Variants in NEGR1 observed in about 807,000 individuals in gnomAD.
NEGR1 encodes IgLON family member 4.
Under a neutral mutation model 40.9 loss-of-function variants are expected in NEGR1, and 10 were observed. That is an observed-to-expected ratio of 0.24 (90% CI 0.15 to 0.42). NEGR1 has a LOEUF of 0.42. Ranked by LOEUF, NEGR1 falls within the 10% of genes least tolerant of loss-of-function variation. The pLI is 1.00. For missense variants in NEGR1, 352 were observed against 438.9 expected (o/e 0.80, Z 1.77); for synonymous variants, 185 against 166.8 (o/e 1.11, Z -0.84).
chr1:71,937,393 A>G (rs998912576), intron 1 of NEGR1, among the ~76,000 whole-genome samples: 1 of 152,190 alleles, frequency 6.6e-6, no homozygotes, highest in African/African-American at 2.4e-5. Flanking sequence ...AACTGCTAGG[A>G]CTGTGATAAT....
intron 6 of NEGR1, among the ~76,000 whole-genome samples, chr1:71,551,464 G>A (rs1238044023): frequency 6.6e-6 from 1 of 151,532 alleles, no homozygotes; most frequent in Non-Finnish European, 1.5e-5. Context: ...TAAATTCAGT[G>A]TGATATATAA....
chr1:72,177,542 G>A (rs945878042), intron 1 of NEGR1, among the ~76,000 whole-genome samples: 3 of 151,640 alleles, frequency 2.0e-5, no homozygotes, highest in Non-Finnish European at 2.9e-5. Context: ...ATTAATACAC[G>A]TAATTTTAGT....
chr1:72,246,681 A>G (rs1408337841), intron 1 of NEGR1, among the ~76,000 whole-genome samples: 1 of 152,182 alleles, frequency 6.6e-6, no homozygotes, highest in Non-Finnish European at 1.5e-5. Flanking sequence ...TGGCTCTACA[A>G]TTCTGCAATT....
At chr1:71,991,981 A>G (rs1281210860) in intron 1 of NEGR1, among the ~76,000 whole-genome samples, 1 of 151,930 alleles carries the variant, frequency 6.6e-6, no homozygotes, top group African/African-American at 2.4e-5. Flanking sequence ...ATTTTAGTAG[A>G]GACGGGTTTC....
At chr1:72,265,303 G>C (rs541116014) in intron 1 of NEGR1, among the ~76,000 whole-genome samples, 12 of 150,908 alleles carry the variant, frequency 8.0e-5, no homozygotes, top group African/African-American at 2.9e-4. Flanking sequence ...AGTTTTGTTA[G>C]CCTTTAATTT....
intron 6 of NEGR1, among the ~76,000 whole-genome samples, chr1:71,434,927 T>G (rs1395773411): frequency 2.0e-5 from 3 of 152,032 alleles, no homozygotes; most frequent in African/African-American, 7.2e-5. Flanking sequence ...CCGTCTCTAC[T>G]AAAAATACAA....
chr1:72,255,092 T>C (rs922146327), intron 1 of NEGR1, among the ~76,000 whole-genome samples: 2 of 152,232 alleles, frequency 1.3e-5, no homozygotes, highest in Admixed American at 6.5e-5. Context: ...ATTCTATTTA[T>C]GGTTCATCAC....
chr1:71,618,222 C>T (rs888786895), intron 4 of NEGR1, among the ~76,000 whole-genome samples: 1 of 152,148 alleles, frequency 6.6e-6, no homozygotes, highest in African/African-American at 2.4e-5. Flanking sequence ...ACTTCCTAAT[C>T]ACAAAAGACA....
intron 3 of NEGR1, among the ~76,000 whole-genome samples, chr1:71,744,358 A>AATG (rs1218643465): frequency 6.8e-5 from 10 of 147,952 alleles, no homozygotes; most frequent in Non-Finnish European, 1.5e-4. Flanking sequence ...TAATAATAAT[A>AATG]ATAATAATAA....
At chr1:71,586,172 G>C (rs1012120329) in intron 6 of NEGR1, among the ~76,000 whole-genome samples, 4 of 152,092 alleles carry the variant, frequency 2.6e-5, no homozygotes, top group Non-Finnish European at 5.9e-5. Flanking sequence ...AAAAGCACTG[G>C]AACAAGGGTA....
intron 2 of NEGR1, among the ~76,000 whole-genome samples, chr1:71,928,121 TATATACACAC>T (rs151328951): frequency 1.0e-4 from 1 of 9,524 alleles, no homozygotes; most frequent in Non-Finnish European, 2.3e-4. Context: ...CACATATGTA[TATATACACAC>T]ATATGTATAT....
At chr1:72,226,586 T>G (rs1184600704) in intron 1 of NEGR1, among the ~76,000 whole-genome samples, 2 of 152,002 alleles carry the variant, frequency 1.3e-5, no homozygotes, top group Non-Finnish European at 2.9e-5. Flanking sequence ...CATTCAAAAT[T>G]TGCAAGTTAC....
chr1:71,504,548 C>A (rs1025706419), intron 6 of NEGR1, among the ~76,000 whole-genome samples: 9 of 152,092 alleles, frequency 5.9e-5, no homozygotes, highest in African/African-American at 1.7e-4. Context: ...AAGGCAATCC[C>A]CCTCACAACC....
At chr1:71,730,095 G>A (rs993052192) in intron 3 of NEGR1, among the ~76,000 whole-genome samples, 1 of 152,050 alleles carries the variant, frequency 6.6e-6, no homozygotes, top group Non-Finnish European at 1.5e-5. Context: ...CTAATACCAA[G>A]AGGAAAAGGA....
At chr1:71,729,171 G>A (rs964167172) in intron 3 of NEGR1, among the ~76,000 whole-genome samples, 1 of 152,026 alleles carries the variant, frequency 6.6e-6, no homozygotes, top group Non-Finnish European at 1.5e-5. Context: ...TGCACAGGGT[G>A]CTGCCTCTGC....
chr1:72,237,451 G>A (rs1654587225), intron 1 of NEGR1, among the ~76,000 whole-genome samples: 1 of 151,930 alleles, frequency 6.6e-6, no homozygotes, highest in Admixed American at 6.6e-5. Flanking sequence ...TTGTTTGGTT[G>A]GGGGTTTGTT....
At chr1:71,619,082 G>A (rs149245904) in intron 4 of NEGR1, among the ~76,000 whole-genome samples, 1 of 152,186 alleles carries the variant, frequency 6.6e-6, no homozygotes, top group Non-Finnish European at 1.5e-5. Flanking sequence ...GTGCCATAAG[G>A]ATATGGTCAT....
intron 6 of NEGR1, among the ~76,000 whole-genome samples, chr1:71,546,576 C>T (rs1408902388): frequency 6.6e-6 from 1 of 151,494 alleles, no homozygotes; most frequent in Non-Finnish European, 1.5e-5. Flanking sequence ...ACACATTAAC[C>T]CTTTTAATAT....
At chr1:72,252,687 A>G (rs1655143389) in intron 1 of NEGR1, among the ~76,000 whole-genome samples, 1 of 152,124 alleles carries the variant, frequency 6.6e-6, no homozygotes, top group South Asian at 2.1e-4. Context: ...AGACGGAGAG[A>G]GTAAGAGAGA....
Sources: allele counts gnomAD v4.1 joint callset (sites outside exome capture counted in the v4.1 genomes callset), GRCh38; gene constraint gnomAD v4.1.1; transcripts MANE v1.5; gene names NCBI Gene and HGNC (gene_info 2026-07-23, HGNC 2026-07-21).